PCDH11Y: variants seen among roughly 807,000 people sequenced by gnomAD.
PCDH11Y encodes protocadherin 11 Y-linked, also known as protocadherin-11 Y-linked.
For synonymous variants in PCDH11Y, 9 were observed against 83.6 expected, an observed-to-expected ratio of 0.11 and a Z score of 4.87; for missense variants, 12 against 224.8, an observed-to-expected ratio of 0.05 and a Z score of 6.05.
intron 2 of PCDH11Y, among the ~76,000 whole-genome samples, chrY:5,224,770 T>A: frequency 3.0e-5 from 1 of 33,379 alleles, no homozygotes; most frequent in African/African-American, 1.2e-4. Context: ...CAGACCACAT[T>A]TGAGTCCAAA....
At chrY:5,675,492 G>A in intron 4 of PCDH11Y, among the ~76,000 whole-genome samples, 14 of 33,108 alleles carry the variant, frequency 4.2e-4, no homozygotes, top group South Asian at 4.1e-3. Context: ...GCTCATTCCA[G>A]CATTAACCCA....
chrY:5,346,877 C>G, intron 2 of PCDH11Y, among the ~76,000 whole-genome samples: 1 of 32,997 alleles, frequency 3.0e-5, no homozygotes, highest in Non-Finnish European at 7.4e-5. Flanking sequence ...TATAATGAAA[C>G]CATTTGGGAA....
chrY:5,726,880 T>C, intron 4 of PCDH11Y, among the ~76,000 whole-genome samples: 1 of 33,318 alleles, frequency 3.0e-5, no homozygotes, highest in Non-Finnish European at 7.5e-5. Flanking sequence ...ATGCCTGCAA[T>C]TATGGTTTAA....
chrY:5,001,812 TC>T (rs2052531079), intron 1 of PCDH11Y, among the ~76,000 whole-genome samples: 1 of 34,086 alleles, frequency 2.9e-5, no homozygotes. Flanking sequence ...TCCTTGCCTC[TC>T]CCAGGGAAAG....
At chrY:5,704,710 T>G (rs2053581738) in intron 4 of PCDH11Y, among the ~76,000 whole-genome samples, 20 of 32,779 alleles carry the variant, frequency 6.1e-4, no homozygotes, top group Non-Finnish European at 1.2e-3. Context: ...ATTACAGGCG[T>G]GAGCCACCGC....
chrY:5,328,100 A>G (rs2053124737), intron 2 of PCDH11Y, among the ~76,000 whole-genome samples: 2 of 33,462 alleles, frequency 6.0e-5, no homozygotes, highest in African/African-American at 2.3e-4. Context: ...CTTGGGCCAG[A>G]GTTCCAGGAG....
At chrY:5,660,285 C>T in intron 4 of PCDH11Y, among the ~76,000 whole-genome samples, 1 of 31,901 alleles carries the variant, frequency 3.1e-5, no homozygotes, top group Non-Finnish European at 7.6e-5. Context: ...TCCTAGGTCA[C>T]GTGCCACTTG....
intron 2 of PCDH11Y, among the ~76,000 whole-genome samples, chrY:5,309,516 A>G (rs2053095104): frequency 1.8e-4 from 6 of 32,859 alleles, no homozygotes; most frequent in African/African-American, 5.9e-4. Flanking sequence ...AAACTGTTGG[A>G]AAAAAAAATA....
chrY:5,401,969 G>A (rs1602920022), intron 2 of PCDH11Y, among the ~76,000 whole-genome samples: 3 of 33,154 alleles, frequency 9.0e-5, no homozygotes, highest in South Asian at 6.7e-4. Flanking sequence ...TTTAGGCTTC[G>A]CACACTAATA....
chrY:5,477,224 A>T (rs2053320406), intron 2 of PCDH11Y, among the ~76,000 whole-genome samples: 1 of 33,353 alleles, frequency 3.0e-5, no homozygotes, highest in Admixed American at 2.7e-4. Flanking sequence ...GCATGAAAGG[A>T]TGTTGAATTT....
chrY:5,051,867 C>G, upstream of PCDH11Y, among the ~76,000 whole-genome samples: 1 of 33,093 alleles, frequency 3.0e-5, no homozygotes, highest in Non-Finnish European at 7.4e-5. Flanking sequence ...TCAGAATACA[C>G]AGGAAATAAT....
chrY:5,139,586 A>T, intron 2 of PCDH11Y, among the ~76,000 whole-genome samples: 1 of 27,929 alleles, frequency 3.6e-5, no homozygotes, highest in African/African-American at 1.4e-4. Flanking sequence ...TAGCATTGCT[A>T]TACTCCAACA....
At chrY:5,432,475 G>A in intron 2 of PCDH11Y, among the ~76,000 whole-genome samples, 1 of 33,191 alleles carries the variant, frequency 3.0e-5, no homozygotes, top group African/African-American at 1.2e-4. Flanking sequence ...AACCAGAAAA[G>A]TCTCGCCTGT....
At chrY:5,147,239 A>G (rs2052857959) in intron 2 of PCDH11Y, among the ~76,000 whole-genome samples, 1 of 30,842 alleles carries the variant, frequency 3.2e-5, no homozygotes, top group East Asian at 8.8e-4. Context: ...CTGTCCCTTT[A>G]GAGAACCCTA....
At chrY:5,416,719 C>T (rs2053253703) in intron 2 of PCDH11Y, among the ~76,000 whole-genome samples, 6 of 31,796 alleles carry the variant, frequency 1.9e-4, no homozygotes, top group Non-Finnish European at 4.6e-4. Flanking sequence ...CATTTTCTGA[C>T]GCTTTAAATG....
chrY:5,715,425 A>G, intron 4 of PCDH11Y, among the ~76,000 whole-genome samples: 1 of 31,985 alleles, frequency 3.1e-5, no homozygotes, highest in Admixed American at 2.9e-4. Context: ...ATAAAAGCCA[A>G]AGGGGGATTG....
At chrY:5,174,129 A>C (rs2052890067) in intron 2 of PCDH11Y, among the ~76,000 whole-genome samples, 1 of 18,845 alleles carries the variant, frequency 5.3e-5, no homozygotes, top group African/African-American at 2.5e-4. Flanking sequence ...TGATATATAT[A>C]TACAAATGTG....
At chrY:5,044,428 A>C in intron 3 of PCDH11Y, among the ~76,000 whole-genome samples, 1 of 32,999 alleles carries the variant, frequency 3.0e-5, no homozygotes, top group South Asian at 6.8e-4. Flanking sequence ...GTTTTGAGTG[A>C]GTTTCTTAAT....
intron 1 of PCDH11Y, among the ~76,000 whole-genome samples, chrY:5,028,419 A>G (rs2052582797): frequency 5.9e-5 from 2 of 33,912 alleles, no homozygotes; most frequent in African/African-American, 1.2e-4. Flanking sequence ...TCTAAGTTGA[A>G]CAAAATTCAA....
Sources: allele counts gnomAD v4.1 joint callset (sites outside exome capture counted in the v4.1 genomes callset), GRCh38; gene constraint gnomAD v4.1.1; transcripts MANE v1.5; gene names NCBI Gene and HGNC (gene_info 2026-07-23, HGNC 2026-07-21).